Variants in PCDH7 observed in about 807,000 individuals in gnomAD.
The protein encoded by PCDH7 is protocadherin 7.
Under a neutral mutation model 58.9 loss-of-function variants are expected in PCDH7, and 17 were observed. The ratio of observed to expected loss-of-function variants is 0.29; its 90% CI spans 0.20 to 0.43. The LOEUF is 0.43. Ranked by LOEUF, PCDH7 falls within the 20% of genes least tolerant of loss-of-function variation. The pLI is 1.00. For synonymous variants in PCDH7, 664 were observed against 616.4 expected, an observed-to-expected ratio of 1.08 and a Z score of -1.14; for missense variants, 1,274 against 1,441.0, an observed-to-expected ratio of 0.88 and a Z score of 1.88.
chr4:30,831,267 G>A (rs1729740665), intron 1 of PCDH7, among the ~76,000 whole-genome samples: 1 of 152,090 alleles, frequency 6.6e-6, no homozygotes, highest in African/African-American at 2.4e-5. Context: ...TGGTTCAGAT[G>A]AAATATATTT....
chr4:31,044,799 A>G (rs1296909750), intron 3 of PCDH7, among the ~76,000 whole-genome samples: 3 of 152,006 alleles, frequency 2.0e-5, no homozygotes, highest in African/African-American at 4.8e-5. Flanking sequence ...AAATAAAAAT[A>G]AGATTCACTA....
intron 3 of PCDH7, among the ~76,000 whole-genome samples, chr4:30,977,405 G>T (rs1236995927): frequency 1.3e-5 from 2 of 152,042 alleles, no homozygotes; most frequent in East Asian, 3.9e-4. Flanking sequence ...TAAATGAATT[G>T]GTACTAATTA....
chr4:30,849,502 A>G (rs1259492504), intron 1 of PCDH7, among the ~76,000 whole-genome samples: 1 of 119,778 alleles, frequency 8.3e-6, no homozygotes, highest in East Asian at 2.3e-4. Context: ...AAAAACATGG[A>G]TGAACAATAT....
intron 1 of PCDH7, among the ~76,000 whole-genome samples, chr4:30,777,746 T>G (rs2109285177): frequency 6.6e-6 from 1 of 152,324 alleles, no homozygotes; most frequent in Non-Finnish European, 1.5e-5. Context: ...ACGTTACATT[T>G]ATTAATTCTA....
chr4:30,730,878 G>GC, exon 2 of PCDH7: 1 of 1,464,744 alleles, frequency 6.8e-7, no homozygotes, highest in Non-Finnish European at 9.0e-7. Context: ...TGGCCGTGGG[G>GC]TGTCAGCCAA....
downstream of PCDH7, chr4:31,144,766 G>T (rs2109351732): frequency 6.6e-6 from 1 of 152,170 alleles, no homozygotes; most frequent in East Asian, 1.9e-4. Flanking sequence ...TTTGATGTTA[G>T]TTTATGTATA....
intron 3 of PCDH7, among the ~76,000 whole-genome samples, chr4:31,016,770 A>C (rs1023438370): frequency 7.9e-5 from 12 of 151,706 alleles, no homozygotes; most frequent in African/African-American, 2.9e-4. Flanking sequence ...CAAATAATTG[A>C]GTATAAGGGC....
intron 1 of PCDH7, among the ~76,000 whole-genome samples, chr4:30,916,271 T>C (rs765349741): frequency 5.9e-5 from 9 of 152,230 alleles, no homozygotes; most frequent in Non-Finnish European, 8.8e-5. Context: ...CTTTATCTTC[T>C]AGCATAATCT....
chr4:30,724,799 A>C, intron 1 of PCDH7: 7 of 1,401,278 alleles, frequency 5.0e-6, no homozygotes, highest in Non-Finnish European at 6.5e-6. Context: ...ATTAGAATTA[A>C]GGTTCACTAA....
At chr4:30,851,437 C>T (rs542557530) in intron 1 of PCDH7, among the ~76,000 whole-genome samples, 103 of 151,820 alleles carry the variant, frequency 6.8e-4, no homozygotes, top group African/African-American at 2.4e-3. Flanking sequence ...ATTCTCTGGT[C>T]GAGTATATTC....
intron 3 of PCDH7, among the ~76,000 whole-genome samples, chr4:31,107,797 A>G (rs1209432635): frequency 3.9e-5 from 6 of 152,146 alleles, no homozygotes; most frequent in Admixed American, 3.9e-4. Flanking sequence ...CATTTTTTCT[A>G]TGTTAACGTG....
At chr4:31,026,241 T>A (rs1452840348) in intron 3 of PCDH7, among the ~76,000 whole-genome samples, 1 of 152,252 alleles carries the variant, frequency 6.6e-6, no homozygotes, top group Non-Finnish European at 1.5e-5. Flanking sequence ...AGACATTTTA[T>A]TTGAATTATC....
At chr4:30,864,189 T>C (rs1734572739) in intron 1 of PCDH7, among the ~76,000 whole-genome samples, 1 of 151,950 alleles carries the variant, frequency 6.6e-6, no homozygotes, top group Admixed American at 6.6e-5. Flanking sequence ...CAGTAGAATG[T>C]GTTAATTACA....
chr4:31,104,158 T>G (rs576493174), intron 3 of PCDH7, among the ~76,000 whole-genome samples: 9 of 152,304 alleles, frequency 5.9e-5, no homozygotes, highest in African/African-American at 1.4e-4. Flanking sequence ...TCTCAATATT[T>G]GTCTTTTTCA....
At chr4:30,771,920 G>C (rs1355553271) in intron 1 of PCDH7, among the ~76,000 whole-genome samples, 1 of 152,062 alleles carries the variant, frequency 6.6e-6, no homozygotes, top group Non-Finnish European at 1.5e-5. Context: ...GCCCAGGCTG[G>C]AGTGCATTGG....
chr4:30,814,419 G>A lies in PCDH7; in HGVS notation c.70+89823G>A, dbSNP rs145230439. On this transcript the variant is annotated intron_variant, in intron 1 of 3. Transcript: ENST00000509759. ...CTATTATTAGCTCGTTTAGTTGTGA[G>A]CTCCTTTAGTTTATTTTACTCTTCA... 3.0e-3 allele frequency among the ~76,000 whole-genome samples: 460 copies of A among 152,056 alleles called. 3 individuals carry two copies. The highest frequency in any genetic ancestry group is 0.01 in the African/African-American group (434 of 41,508).
chr4:31,118,425 G>A (rs898340738), intron 3 of PCDH7, among the ~76,000 whole-genome samples: 3 of 151,954 alleles, frequency 2.0e-5, no homozygotes, highest in Non-Finnish European at 4.4e-5. Context: ...TAAAATATAT[G>A]CCTCTGCCTA....
intron 3 of PCDH7, among the ~76,000 whole-genome samples, chr4:31,073,648 T>C (rs1446810788): frequency 6.6e-6 from 1 of 152,210 alleles, no homozygotes; most frequent in African/African-American, 2.4e-5. Context: ...GTAGTTCCTC[T>C]GGCCTCTGCC....
At chr4:31,028,377 T>A (rs960216276) in intron 3 of PCDH7, among the ~76,000 whole-genome samples, 2 of 152,200 alleles carry the variant, frequency 1.3e-5, no homozygotes, top group Non-Finnish European at 2.9e-5. Context: ...GTTAAGTGTT[T>A]CATTTCGAAA....
Sources: gnomAD v4.1 joint callset for allele counts (sites outside exome capture counted in the v4.1 genomes callset) on GRCh38, gnomAD v4.1.1 for gene constraint, MANE v1.5 for transcripts, NCBI Gene and HGNC (gene_info 2026-07-23, HGNC 2026-07-21) for gene names.